Variants in KCNQ3 observed in about 807,000 individuals in gnomAD.
The protein encoded by KCNQ3 is potassium voltage-gated channel subfamily KQT member 3.
Under a neutral mutation model 92.5 loss-of-function variants are expected in KCNQ3, and 30 were observed. The ratio of observed to expected loss-of-function variants is 0.32; its 90% CI spans 0.24 to 0.44. KCNQ3 has a LOEUF of 0.44. Ranked by LOEUF, KCNQ3 falls within the 20% of genes least tolerant of loss-of-function variation. The probability of loss-of-function intolerance (pLI) is 1.00; values close to 1 mark genes in which losing one functional copy is unlikely to be tolerated. For synonymous variants in KCNQ3, 450 were observed against 468.8 expected, an observed-to-expected ratio of 0.96 and a Z score of 0.52; for missense variants, 913 against 1,140.3, an observed-to-expected ratio of 0.80 and a Z score of 2.87.
In KCNQ3 at chr8:132,140,124, G is replaced by C. The variant is rs370333805; in HGVS notation, c.1520C>G (p.Pro507Arg). ...AEDRGYGNDF[P>R]IEDMIPTLKA... The stretch of plus-strand genomic sequence containing the variant: ...CAGGGTGGGGATCATGTCTTCGATG[G>C]GGAAGTCATTCCCATAGCCCCTGTC... The change falls in exon 11 of 15, where the codon CCC becomes CGC. Residue 507 changes from proline (P) to arginine (R), a missense_variant. Around this residue, in one of 6 missense-constraint regions of KCNQ3, gnomAD observed 182 missense variants for 234.5 expected, o/e 0.78. Transcript: ENST00000388996. 8.1e-6 allele frequency: 13 copies of C among 1,612,262 alleles called. No homozygotes were observed. Among genetic ancestry groups the C allele is most frequent in the African/African-American group, 1.3e-5 (1 of 74,864 alleles).
chr8:132,182,392 T>C (rs561505539), intron 3 of KCNQ3, among the ~76,000 whole-genome samples: 2 of 152,354 alleles, frequency 1.3e-5, no homozygotes, highest in Admixed American at 1.3e-4. Context: ...ATAACCATCC[T>C]CTTTCCCATA....
At chr8:132,318,279 G>T (rs1388211344) in intron 1 of KCNQ3, among the ~76,000 whole-genome samples, 1 of 152,196 alleles carries the variant, frequency 6.6e-6, no homozygotes, top group East Asian at 1.9e-4. Context: ...AATAGTACAG[G>T]TTGTGCCTAA....
At chr8:132,427,885 C>A (rs1405448454) in intron 1 of KCNQ3, among the ~76,000 whole-genome samples, 3 of 152,166 alleles carry the variant, frequency 2.0e-5, no homozygotes, top group Non-Finnish European at 4.4e-5. Flanking sequence ...GGCCTTTAAT[C>A]GCTTTAAAGA....
intron 1 of KCNQ3, among the ~76,000 whole-genome samples, chr8:132,372,240 C>A (rs1252565820): frequency 6.6e-6 from 1 of 152,158 alleles, no homozygotes; most frequent in Non-Finnish European, 1.5e-5. Flanking sequence ...CTTGCTTACC[C>A]CACTGGTCAG....
chr8:132,273,449 G>A (rs986232188), intron 1 of KCNQ3, among the ~76,000 whole-genome samples: 2 of 152,206 alleles, frequency 1.3e-5, no homozygotes, highest in African/African-American at 4.8e-5. Flanking sequence ...CCTGGGCCCA[G>A]CCCATGAAAC....
At chr8:132,142,507 T>C (rs1825327325) in intron 9 of KCNQ3, among the ~76,000 whole-genome samples, 1 of 152,168 alleles carries the variant, frequency 6.6e-6, no homozygotes, top group Non-Finnish European at 1.5e-5. Context: ...ATTTCTCAGC[T>C]TTTGCCCCCT....
At position 132,381,213 on chromosome 8, in the gene KCNQ3, T is replaced by A. The variant is rs118124654; in HGVS notation, c.386+98934A>T. On this transcript the variant is annotated intron_variant, in intron 1 of 14. Coordinates refer to ENST00000388996, the MANE Select transcript of KCNQ3 (RefSeq NM_004519.4). ...GGCCACTGGCTTTAGACTGCACAGC[T>A]GAATAGCGGCAGTGTTAACATTCAA... 6.6e-4 allele frequency among the ~76,000 whole-genome samples: 101 copies of A among 152,314 alleles called. 1 individual carries two copies. The East Asian group carries it at 0.013, about 20-fold the overall frequency.
At chr8:132,454,377 T>C (rs532069618) in intron 1 of KCNQ3, among the ~76,000 whole-genome samples, 185 of 152,348 alleles carry the variant, frequency 1.2e-3, no homozygotes, top group African/African-American at 4.2e-3. Context: ...CCCGGAGTGT[T>C]ATATTAATAA....
chr8:132,417,266 G>A (rs1403942843), intron 1 of KCNQ3, among the ~76,000 whole-genome samples: 1 of 152,208 alleles, frequency 6.6e-6, no homozygotes, highest in East Asian at 1.9e-4. Flanking sequence ...CTCCAACTAA[G>A]GAGGCCAGGG....
At chr8:132,147,695 C>T (rs994834937) in intron 9 of KCNQ3, among the ~76,000 whole-genome samples, 5 of 151,978 alleles carry the variant, frequency 3.3e-5, no homozygotes, top group South Asian at 2.1e-4. Flanking sequence ...ATATGGATGA[C>T]GGATGAATGG....
chr8:132,324,051 C>T (rs1817971155), intron 1 of KCNQ3, among the ~76,000 whole-genome samples: 1 of 152,160 alleles, frequency 6.6e-6, no homozygotes, highest in African/African-American at 2.4e-5. Flanking sequence ...AGCCATCATA[C>T]TGTTTCATCC....
At chr8:132,138,531 T>C (rs1291618792) in intron 11 of KCNQ3, among the ~76,000 whole-genome samples, 1 of 152,228 alleles carries the variant, frequency 6.6e-6, no homozygotes, top group Non-Finnish European at 1.5e-5. Flanking sequence ...ATTTTACTTG[T>C]GAGCTCCTAG....
At chr8:132,252,142 C>T (rs1307317579) in intron 1 of KCNQ3, among the ~76,000 whole-genome samples, 1 of 152,182 alleles carries the variant, frequency 6.6e-6, no homozygotes, top group Non-Finnish European at 1.5e-5. Context: ...TCAGCACACT[C>T]TTATTGGACA....
chr8:132,191,601 A>AGGTG (rs1554629728), intron 1 of KCNQ3, among the ~76,000 whole-genome samples: 1 of 146,820 alleles, frequency 6.8e-6, no homozygotes, highest in African/African-American at 2.5e-5. Context: ...ATGTGTGTGT[A>AGGTG]TGTGTGTGTA....
rs542719438 is a variant in KCNQ3, at chr8:132,207,622, T to C, written c.387-21441A>G. ...GTAATTGGCATATTACTTACATTTC[T>C]TACCATGCCCTGGAGACTTTTTTCA... On this transcript the variant is annotated intron_variant, in intron 1 of 14. Coordinates refer to ENST00000388996, the MANE Select transcript of KCNQ3 (RefSeq NM_004519.4). Among the ~76,000 whole-genome samples, 20 of 152,258 alleles carry C rather than the reference T, an allele frequency of 1.3e-4. No homozygotes were observed. The South Asian group carries it at 4.1e-3, about 32-fold the overall frequency.
intron 1 of KCNQ3, among the ~76,000 whole-genome samples, chr8:132,443,357 A>G (rs1443747240): frequency 1.4e-5 from 2 of 144,438 alleles, no homozygotes; most frequent in Admixed American, 7.0e-5. Flanking sequence ...AATCACTTCC[A>G]GGGAAAGTAC....
intron 1 of KCNQ3, among the ~76,000 whole-genome samples, chr8:132,346,012 G>T (rs1283569777): frequency 6.6e-6 from 1 of 151,952 alleles, no homozygotes; most frequent in Non-Finnish European, 1.5e-5. Flanking sequence ...TGACAATGAT[G>T]ATGATGGTGA....
At chr8:132,180,983 T>G (rs1046830138) in intron 3 of KCNQ3, among the ~76,000 whole-genome samples, 4 of 152,112 alleles carry the variant, frequency 2.6e-5, no homozygotes, top group Admixed American at 6.5e-5. Flanking sequence ...AGGTCATCCC[T>G]AGCACTGTCA....
At position 132,128,972 on chromosome 8, in the gene KCNQ3, C is replaced by A. The variant is rs1332708900; in HGVS notation, c.*290G>T. 1 of 465,454 alleles carries A rather than the reference C, an allele frequency of 2.1e-6. No homozygotes were observed. The highest frequency in any genetic ancestry group is 1.9e-5 in the African/African-American group (1 of 51,304). The allele number at this position is 465,454 out of a possible 1,614,324, so 28.8% of individuals were successfully genotyped here. Reference sequence around the variant, plus strand: ...TCAGTAATTTCTCCCTGTACTGGTCCAATCGTGATTAAAAGTAAGAACAGC... The same window carrying A: ...TCAGTAATTTCTCCCTGTACTGGTCAAATCGTGATTAAAAGTAAGAACAGC... On this transcript the variant is annotated 3_prime_UTR_variant, in exon 15 of 15. Transcript: ENST00000388996.
Sources: gnomAD v4.1 joint callset for allele counts (sites outside exome capture counted in the v4.1 genomes callset) on GRCh38, gnomAD v4.1.1 for gene constraint, gnomAD v4.1.1 regional missense constraint, MANE v1.5 for transcripts, NCBI Gene and HGNC (gene_info 2026-07-23, HGNC 2026-07-21) for gene names.